The following FGF12 variants were observed in gnomAD, a reference collection of about 807,000 sequenced individuals.
FGF12 encodes the protein fibroblast growth factor 12B.
A neutral mutation model predicts 23.6 loss-of-function variants in FGF12; 14 were observed. The observed-to-expected ratio is 0.59, with a 90% CI of 0.39 to 0.93. The LOEUF (loss-of-function observed/expected upper bound fraction) is 0.93, where lower values mean the gene tolerates loss of function less well. Ranked by LOEUF, FGF12 falls within the 40% of genes least tolerant of loss-of-function variation. FGF12 has a pLI of 0.00. For missense variants in FGF12, 175 were observed against 217.8 expected, an observed-to-expected ratio of 0.80 and a Z score of 1.24; for synonymous variants, 62 against 77.3, an observed-to-expected ratio of 0.80 and a Z score of 1.04.
In FGF12 at chr3:192,441,486, A is replaced by C. The variant is rs138948298; in HGVS notation, c.14-80948T>G. Among the ~76,000 whole-genome samples, 530 of 152,216 alleles carry C rather than the reference A, an allele frequency of 3.5e-3. 6 individuals are homozygous for C. Among genetic ancestry groups the C allele is most frequent in the African/African-American group, 0.012 (497 of 41,524 alleles). ...GTAACGCCTCTCCCAGTGATGTTGC[A>C]CGTTTTTTTCTGACATCCTATTGTC... On this transcript the variant is annotated intron_variant, in intron 2 of 5. Transcript: ENST00000445105.
rs1725518865 is a variant in FGF12 at position 192,547,280 on chromosome 3, A to G, written c.13+179901T>C. Among the ~76,000 whole-genome samples the G allele has an allele frequency of 2.0e-5, 3 of 152,334 alleles. No individual in the cohort carries two copies. The South Asian group carries it at 6.2e-4, about 32-fold the overall frequency. On this transcript the variant is annotated intron_variant, in intron 2 of 5. Coordinates refer to ENST00000445105, the MANE Select transcript of FGF12 (RefSeq NM_004113.6). ...CTCTCCCAGTGTAAATGTATCCATC[A>G]GCATCTGACTCATTAATTAAATGTT...
At chr3:192,333,780 G>T (rs1023862024) in intron 4 of FGF12, among the ~76,000 whole-genome samples, 2 of 152,030 alleles carry the variant, frequency 1.3e-5, no homozygotes, top group African/African-American at 4.8e-5. Context: ...CTGATTAAGA[G>T]GAGAAAAGAA....
chr3:192,635,380 C>A (rs1161214991), intron 2 of FGF12, among the ~76,000 whole-genome samples: 1 of 152,154 alleles, frequency 6.6e-6, no homozygotes, highest in Admixed American at 6.5e-5. Flanking sequence ...GAAATCCCTA[C>A]ATATACACAT....
At chr3:192,258,277 G>A (rs1394605012) in intron 4 of FGF12, among the ~76,000 whole-genome samples, 1 of 152,074 alleles carries the variant, frequency 6.6e-6, no homozygotes, top group Non-Finnish European at 1.5e-5. Context: ...GGCCAATATG[G>A]CAAAACCCCA....
chr3:192,390,753 T>C (rs1720254698), intron 2 of FGF12, among the ~76,000 whole-genome samples: 1 of 152,120 alleles, frequency 6.6e-6, no homozygotes, highest in Non-Finnish European at 1.5e-5. Flanking sequence ...GTGTGACTGA[T>C]ATGAAGAGAT....
intron 2 of FGF12, among the ~76,000 whole-genome samples, chr3:192,621,690 C>CAAAAAAAAAAAAAAAAA (rs5855441): frequency 9.5e-5 from 9 of 94,326 alleles, no homozygotes; most frequent in East Asian, 3.6e-4. Flanking sequence ...GATACAAATA[C>CAAAAAAAAAAAAAAAAA]AAAAAAAAAA....
intron 2 of FGF12, among the ~76,000 whole-genome samples, chr3:192,594,909 G>T (rs1224077496): frequency 6.6e-6 from 1 of 150,948 alleles, no homozygotes; most frequent in Non-Finnish European, 1.5e-5. Flanking sequence ...TCATACAATT[G>T]TCTAGGCCCT....
chr3:192,461,658 G>A (rs545792081), intron 2 of FGF12, among the ~76,000 whole-genome samples: 152 of 152,216 alleles, frequency 1.0e-3, no homozygotes, highest in Middle Eastern at 3.4e-3. Flanking sequence ...AGAAGTATGT[G>A]TGTAAGCAGA....
At chr3:192,705,130 T>G (rs926584498) in intron 2 of FGF12, among the ~76,000 whole-genome samples, 9 of 152,246 alleles carry the variant, frequency 5.9e-5, no homozygotes, top group Non-Finnish European at 8.8e-5. Context: ...TCAATTTCTT[T>G]CAATAATTTT....
chr3:192,516,792 A>G (rs1577031864), intron 2 of FGF12: 1 of 152,232 alleles, frequency 6.6e-6, no homozygotes, highest in East Asian at 1.9e-4. Flanking sequence ...GTCCTTGAAG[A>G]TCTTCCTAAA....
At position 192,278,041 on chromosome 3, in the gene FGF12, G is replaced by A. The variant is rs150281004; in HGVS notation, c.228+57320C>T. ...CTCCCAAAGTGCTGGGATTACAGGT[G>A]TGAGACACCGCGCCCAGCCACATTT... On this transcript the variant is annotated intron_variant, in intron 4 of 5. Coordinates refer to ENST00000445105, the MANE Select transcript of FGF12 (RefSeq NM_004113.6). 2.1e-4 allele frequency among the ~76,000 whole-genome samples: 32 copies of A among 152,342 alleles called. No homozygotes were observed. The East Asian group carries it at 3.3e-3, about 16-fold the overall frequency.
At position 192,677,221 on chromosome 3, in the gene FGF12, C is replaced by T. The variant is rs541924486; in HGVS notation, c.13+49960G>A. ...CCTCACCTTCCAAACTATTACCTCCCCCAACTCCCACACTGAGAGTTAACT... is the reference window on the plus strand; with the variant it reads ...CCTCACCTTCCAAACTATTACCTCCTCCAACTCCCACACTGAGAGTTAACT... On this transcript the variant is annotated intron_variant, in intron 2 of 5. Transcript: ENST00000445105. Among the ~76,000 whole-genome samples the T allele has an allele frequency of 4.6e-5, 7 of 152,324 alleles. No homozygotes were observed. In the South Asian group the frequency reaches 1.2e-3, roughly 27 times the overall value.
At chr3:192,319,629 C>T (rs1560067844) in intron 4 of FGF12, among the ~76,000 whole-genome samples, 1 of 151,612 alleles carries the variant, frequency 6.6e-6, no homozygotes, top group African/African-American at 2.4e-5. Flanking sequence ...AAAATAACTA[C>T]AAAAACCTTT....
chr3:192,216,285 T>C (rs1290877118), intron 4 of FGF12, among the ~76,000 whole-genome samples: 1 of 152,230 alleles, frequency 6.6e-6, no homozygotes, highest in Non-Finnish European at 1.5e-5. Context: ...AATTGGACAT[T>C]GTCACACATC....
intron 2 of FGF12, among the ~76,000 whole-genome samples, chr3:192,486,274 G>T (rs1343449606): frequency 6.6e-6 from 1 of 152,192 alleles, no homozygotes; most frequent in South Asian, 2.1e-4. Flanking sequence ...ACTCAAATGA[G>T]TGAGACAGAT....
chr3:192,508,955 C>T (rs1421002170), intron 2 of FGF12, among the ~76,000 whole-genome samples: 1 of 152,118 alleles, frequency 6.6e-6, no homozygotes, highest in African/African-American at 2.4e-5. Context: ...CTAATTACTT[C>T]ATTTTGGCAC....
intron 2 of FGF12, among the ~76,000 whole-genome samples, chr3:192,707,347 A>C (rs575916699): frequency 6.6e-6 from 1 of 152,322 alleles, no homozygotes; most frequent in East Asian, 1.9e-4. Flanking sequence ...GAGCTGACCG[A>C]GAATGGCACA....
rs542838404 is a variant in FGF12 at position 192,292,330 on chromosome 3, C to T, written c.228+43031G>A. On this transcript the variant is annotated intron_variant, in intron 4 of 5. Transcript: ENST00000445105. ...TTTTTAGTGTTTGCAGAATATTATA[C>T]AGTACAAACATAAAATAATATGTTG... Among the ~76,000 whole-genome samples the T allele has an allele frequency of 4.6e-5, 7 of 151,540 alleles. No individual in the cohort carries two copies. In the South Asian group the frequency reaches 1.5e-3, roughly 32 times the overall value.
At chr3:192,386,400 T>C (rs796131030) in intron 2 of FGF12, among the ~76,000 whole-genome samples, 11 of 152,328 alleles carry the variant, frequency 7.2e-5, no homozygotes, top group African/African-American at 2.6e-4. Flanking sequence ...CATTTCATTA[T>C]TTGATTTCCC....
Sources: gnomAD v4.1 joint callset for allele counts (sites outside exome capture counted in the v4.1 genomes callset) on GRCh38, gnomAD v4.1.1 for gene constraint, MANE v1.5 for transcripts, NCBI Gene and HGNC (gene_info 2026-07-23, HGNC 2026-07-21) for gene names.